Variants in NOTCH1 observed in about 807,000 individuals in gnomAD.
NOTCH1 encodes notch receptor 1, also known as neurogenic locus notch homolog protein 1.
In NOTCH1, 37 loss-of-function variants were observed where a neutral mutation model predicts 254.8. That is an observed-to-expected ratio of 0.15 (90% CI 0.11 to 0.19). NOTCH1 has a LOEUF of 0.19. Ranked by LOEUF, NOTCH1 falls within the 10% of genes least tolerant of loss-of-function variation. The probability of loss-of-function intolerance (pLI) is 1.00; values close to 1 mark genes in which losing one functional copy is unlikely to be tolerated. For missense variants in NOTCH1, 2,972 were observed against 3,708.6 expected (o/e 0.80, Z 5.16); for synonymous variants, 1,731 against 1,618.1 (o/e 1.07, Z -1.68).
intron 4 of NOTCH1, 151 bp downstream of exon 4, chr9:136,522,699 A>C: frequency 4.1e-6 from 3 of 734,204 alleles, no homozygotes; most frequent in Non-Finnish European, 6.4e-6. Context: ...CCCCGACACC[A>C]CACGCAGTCT....
chr9:136,526,682 C>T (rs1843465490), intron 2 of NOTCH1, among the ~76,000 whole-genome samples: 1 of 152,240 alleles, frequency 6.6e-6, no homozygotes, highest in Non-Finnish European at 1.5e-5. Context: ...GGGCCCCACT[C>T]CCCACCCTGA....
Position 136,501,781 on chromosome 9 carries a change from C to A in NOTCH1, c.5605G>T (p.Ala1869Ser), listed in dbSNP as rs200603539. 1.6e-5 allele frequency: 25 copies of A among 1,612,548 alleles called. No homozygotes were observed. The East Asian group carries it at 5.3e-4, about 34-fold the overall frequency. ...CGGACATTGACGTCCATGCAGTCGG[C>A]GTCAACCTCACCCTGGGGCGGTGTG... ...APTPPQGEVD[A>S]DCMDVNVRGP... is the part of the protein sequence containing the mutation. The change falls in exon 30 of 34, where the codon GCC becomes TCC. Residue 1869 changes from alanine (A) to serine (S), a missense_variant. Ala to Ser is a moderately conservative substitution (Grantham distance 99, BLOSUM62 1). Around this residue, in one of 8 missense-constraint regions of NOTCH1, gnomAD observed 421 missense variants for 604.4 expected, o/e 0.70. Coordinates refer to ENST00000651671, the MANE Select transcript of NOTCH1 (RefSeq NM_017617.5).
chr9:136,517,717 G>A (rs758388400), intron 8 of NOTCH1, 35 bp downstream of exon 8: 13 of 1,611,422 alleles, frequency 8.1e-6, no homozygotes, highest in Admixed American at 3.3e-5. Flanking sequence ...GCCCAGCCTC[G>A]ACTCGGTTTC....
chr9:136,536,243 C>T (rs868307448), intron 2 of NOTCH1, among the ~76,000 whole-genome samples: 17 of 152,206 alleles, frequency 1.1e-4, no homozygotes, highest in African/African-American at 3.1e-4. Context: ...CAGGGCCTCG[C>T]TGTCAAGGGC....
rs1329129849 is a variant in NOTCH1 at position 136,502,556 on chromosome 9, C to G, written c.5168-68G>C. On this transcript the variant is annotated intron_variant, in intron 27 of 33. Transcript: ENST00000651671. ...AGCGGCTACGCAGCAGGCTGGTGGCCGGGGGGCGGCGGACTGGCTCCGCGT... is the reference window on the plus strand; with the variant it reads ...AGCGGCTACGCAGCAGGCTGGTGGCGGGGGGGCGGCGGACTGGCTCCGCGT... The G allele has an allele frequency of 3.9e-6, 4 of 1,033,358 alleles. No homozygotes were observed. The Admixed American group carries it at 1.3e-4, about 33-fold the overall frequency. 64.0% of individuals were successfully genotyped at this position (1,033,358 alleles called of 1,614,324 possible).
chr9:136,512,987 G>GCCCCCCCCCCC, intron 15 of NOTCH1, 34 bp downstream of exon 15: 1 of 362,632 alleles, frequency 2.8e-6, no homozygotes, highest in Non-Finnish European at 5.1e-6. Context: ...CATAGGCCCC[G>GCCCCCCCCCCC]CCCCCTCCAG....
At position 136,509,948 on chromosome 9, in the gene NOTCH1, G is replaced by A. The variant is rs373787791; in HGVS notation, c.2754C>T (p.Asn918=). The change falls in exon 18 of 34, where the codon AAC becomes AAT. Residue 918 remains asparagine, a synonymous_variant. Transcript: ENST00000651671. ...TGATGCCGTCTGTGCAGGAGCCCCC[G>A]TTGTGACACGGGTCTGGGAGAGGAC... The part of the protein sequence containing the change: ...IDDCRPNPCH[N]GGSCTDGINT... 26 of 1,613,138 alleles carry A rather than the reference G, an allele frequency of 1.6e-5. No homozygotes were observed. Among genetic ancestry groups the A allele is most frequent in the African/African-American group, 4.0e-5 (3 of 75,074 alleles).
chr9:136,507,845 G>T, intron 21 of NOTCH1, 110 bp downstream of exon 21: 2 of 1,126,644 alleles, frequency 1.8e-6, no homozygotes, highest in Non-Finnish European at 2.6e-6. Context: ...ACTGAACAGT[G>T]CATGGGCCTA....
intron 32 of NOTCH1, 50 bp from the exon 33 acceptor site, chr9:136,499,046 C>T (rs2133322197): frequency 6.2e-7 from 1 of 1,612,614 alleles, no homozygotes; most frequent in Non-Finnish European, 8.5e-7. Context: ...TGGAGGCAAC[C>T]CAGTCCCACC....
In NOTCH1 at chr9:136,504,896, C is replaced by T. The variant is rs543770603; in HGVS notation, c.4795G>A (p.Val1599Met). Residue 1599 changes from valine to methionine, a missense_variant, in exon 26 of 34, where the codon GTG (valine) becomes ATG (methionine). Physicochemically the swap from Val to Met is conservative, Grantham distance 21. This residue lies in a region of NOTCH1 where 1,343 missense variants were observed against 1,557.0 expected (regional missense o/e 0.86). Transcript: ENST00000651671. The part of the protein sequence containing the change: ...SFHFLRELSR[V>M]LHTNVVFKRD... Reference sequence around the variant, plus strand: ...TTGAAGACCACGTTGGTGTGCAGCACGCGGCTGAGCTCCCGCAGGAAGTGG... The same window carrying T: ...TTGAAGACCACGTTGGTGTGCAGCATGCGGCTGAGCTCCCGCAGGAAGTGG... 34 of 1,584,424 alleles carry T rather than the reference C, an allele frequency of 2.1e-5. 1 individual carries two copies. The highest frequency in any genetic ancestry group is 9.0e-5 in the Admixed American group (5 of 55,618).
Position 136,496,943 on chromosome 9 carries a change from AG to A in NOTCH1, c.6795del (p.Phe2266LeufsTer29). Reference protein sequence around the residue: ...MAALGGGGRLAFETGPPRLSH... With the variant: ...MAALGGGGRLXFETGPPRLSH... ...GAGAGACGAGGTGGGCCAGTCTCAA[AG>A]GCCAGCCGGCCGCCCCCACCCAGCG... is the stretch of plus-strand genomic sequence containing the variant. On this transcript the variant is annotated frameshift_variant, in exon 34 of 34. Transcript: ENST00000651671. LOFTEE classifies it high-confidence loss of function. 1 of 1,611,478 alleles carries A rather than the reference AG, an allele frequency of 6.2e-7. No homozygotes were observed. The highest frequency in any genetic ancestry group is 8.5e-7 in the Non-Finnish European group (1 of 1,179,504).
chr9:136,516,771 G>C (rs1157854279), intron 9 of NOTCH1, among the ~76,000 whole-genome samples: 1 of 152,168 alleles, frequency 6.6e-6, no homozygotes, highest in African/African-American at 2.4e-5. Context: ...TCCTGGCCCT[G>C]GGCTCCACCG....
chr9:136,523,000 C>T lies in NOTCH1; in HGVS notation c.592G>A (p.Glu198Lys), dbSNP rs1370073589. 17 of 1,560,672 alleles carry T rather than the reference C, an allele frequency of 1.1e-5. No individual in the cohort carries two copies. Among genetic ancestry groups the T allele is most frequent in the East Asian group, 2.4e-5 (1 of 41,706 alleles). Reference protein sequence around the residue: ...LCRHGGTCHNEVGSYRCVCRA... With the variant: ...LCRHGGTCHNKVGSYRCVCRA... ...CAGACGCAGCGGTAGGAGCCGACCT[C>T]GTTGTGGCAGGTGCCTCCGTGGCGG... Residue 198 changes from glutamate (E) to lysine (K), a missense_variant, in exon 4 of 34, where the codon GAG becomes AAG. Coordinates refer to ENST00000651671, the MANE Select transcript of NOTCH1 (RefSeq NM_017617.5).
rs1346987070 is a variant in NOTCH1 at position 136,497,177 on chromosome 9, C to G, written c.6562G>C (p.Gly2188Arg). The G allele has an allele frequency of 1.2e-6, 2 of 1,612,832 alleles. No homozygotes were observed. The highest frequency in any genetic ancestry group is 2.2e-5 in the South Asian group (2 of 91,086). Residue 2188 changes from glycine to arginine, a missense_variant, in exon 34 of 34, where the codon GGC becomes CGC. Gly to Arg is a moderately radical substitution (Grantham distance 125). Transcript: ENST00000651671. ...ARRKKSQDGK[G>R]CLLDSSGMLS... ...ATGCCGGAGCTGTCCAGCAGGCAGC[C>G]CTTGCCGTCCTGGGACTTCTTCCTC...
chr9:136,513,543 AGG>A lies in NOTCH1; in HGVS notation c.2208-8_2208-7del. On this transcript the variant is annotated splice_region_variant and splice_polypyrimidine_tract_variant and intron_variant, in intron 13 of 33. Coordinates refer to ENST00000651671, the MANE Select transcript of NOTCH1 (RefSeq NM_017617.5). This position sits in a 1 kb window ranked among gnomAD's most constrained non-coding sequence, Gnocchi z 4.7. ...GGTCACAGTCGCACTTGTACCTGCA[AGG>A]GGGACCACACTGCAGGTCGAGGGAG... The A allele has an allele frequency of 6.2e-7, 1 of 1,612,868 alleles. No homozygotes were observed. Among genetic ancestry groups the A allele is most frequent in the East Asian group, 2.2e-5 (1 of 44,882 alleles).
At position 136,543,717 on chromosome 9, in the gene NOTCH1, C is replaced by G. The variant is rs1843766740; in HGVS notation, c.140+307G>C. The G allele has an allele frequency of 5.7e-6, 3 of 523,920 alleles. No individual in the cohort carries two copies. The East Asian group carries it at 1.0e-4, about 18-fold the overall frequency. The allele number at this position is 523,920 out of a possible 1,614,324, so 32.5% of individuals were successfully genotyped here. On this transcript the variant is annotated intron_variant, in intron 2 of 33. Coordinates refer to ENST00000651671, the MANE Select transcript of NOTCH1 (RefSeq NM_017617.5). Reference sequence around the variant, plus strand: ...TGGTCCAGAGCTTCCCCTGGCAGATCAACTGTTTCTTGGGGACTTAAAGAA... The same window carrying G: ...TGGTCCAGAGCTTCCCCTGGCAGATGAACTGTTTCTTGGGGACTTAAAGAA...
At chr9:136,507,822 C>T in intron 21 of NOTCH1, 133 bp downstream of exon 21, 1 of 967,606 alleles carries the variant, frequency 1.0e-6, no homozygotes, top group East Asian at 2.6e-5. Context: ...TACCCCAGCC[C>T]TCCCCTAATG....
At chr9:136,518,326 C>T in intron 6 of NOTCH1, 34 bp from the exon 7 acceptor site, 1 of 1,595,280 alleles carries the variant, frequency 6.3e-7, no homozygotes, top group South Asian at 1.1e-5. Context: ...GGGCACGGCC[C>T]CTGGGCCAGG....
In NOTCH1 at chr9:136,497,013, C is replaced by T. The variant is rs2133317418; in HGVS notation, c.6726G>A (p.Leu2242=). The change falls in exon 34 of 34, where the codon CTG becomes CTA. Residue 2242 remains leucine, a synonymous_variant. Transcript: ENST00000651671. ...CCGCCACGTTCAGGTGCCCGATGCC[C>T]AGGTGGGTGTCGGGCATCCCAGGCA... ...NHLPGMPDTH[L]GIGHLNVAAK... The T allele has an allele frequency of 6.2e-7, 1 of 1,609,894 alleles. No individual in the cohort carries two copies. Among genetic ancestry groups the T allele is most frequent in the South Asian group, 1.1e-5 (1 of 90,990 alleles).
Sources: gnomAD v4.1 joint callset for allele counts (sites outside exome capture counted in the v4.1 genomes callset) on GRCh38, gnomAD v4.1.1 for gene constraint, gnomAD v4.1.1 regional missense constraint, Gnocchi (gnomAD v3.1) non-coding constraint, MANE v1.5 for transcripts, NCBI Gene and HGNC (gene_info 2026-07-23, HGNC 2026-07-21) for gene names.